Variants in GRIPAP1 observed in about 807,000 individuals in gnomAD.
GRIPAP1 encodes GRIP1 associated protein 1, also known as GRIP1-associated protein 1.
GRIPAP1 carries 14 observed loss-of-function variants against 84.1 expected under a neutral mutation model. That is an observed-to-expected ratio of 0.17 (90% CI 0.11 to 0.26). GRIPAP1 has a LOEUF of 0.26. Ranked by LOEUF, GRIPAP1 falls within the 10% of genes least tolerant of loss-of-function variation. The pLI is 1.00. For synonymous variants in GRIPAP1, 261 were observed against 256.8 expected, an observed-to-expected ratio of 1.02 and a Z score of -0.15; for missense variants, 518 against 674.2, an observed-to-expected ratio of 0.77 and a Z score of 2.57.
chrX:48,997,120 G>A (rs1273566151), intron 5 of GRIPAP1, 130 bp downstream of exon 5: 2 of 475,357 alleles, frequency 4.2e-6, no homozygotes, highest in African/African-American at 4.8e-5. Flanking sequence ...CAGCAATCCA[G>A]GACCTGTTTC....
At chrX:48,994,089 C>A in intron 5 of GRIPAP1, among the ~76,000 whole-genome samples, 1 of 111,514 alleles carries the variant, frequency 9.0e-6, no homozygotes, top group East Asian at 2.8e-4. Flanking sequence ...ACTAAGCCAG[C>A]CCCCTGCCCA....
intron 13 of GRIPAP1, among the ~76,000 whole-genome samples, chrX:48,987,048 A>G (rs1307698073): frequency 1.0e-5 from 1 of 99,507 alleles, no homozygotes; most frequent in Non-Finnish European, 2.0e-5. Context: ...GGGTTTCTCT[A>G]TGTTGGTCAG....
chrX:48,987,211 C>T (rs1157587659), intron 13 of GRIPAP1, among the ~76,000 whole-genome samples: 3 of 100,086 alleles, frequency 3.0e-5, no homozygotes, highest in African/African-American at 1.1e-4. Flanking sequence ...TGCAATGGCA[C>T]GATCTCGGCT....
chrX:48,989,772 C>A (rs1267829516), intron 10 of GRIPAP1, 62 bp from the exon 11 acceptor site: 2 of 1,134,786 alleles, frequency 1.8e-6, no homozygotes, highest in African/African-American at 3.6e-5. Flanking sequence ...CTAGCTCTGC[C>A]CCTGTAATCT....
chrX:49,001,050 A>G (rs1161352878), intron 1 of GRIPAP1: 2 of 101,906 alleles, frequency 2.0e-5, no homozygotes, highest in African/African-American at 7.3e-5. Context: ...CAGTGGGATC[A>G]ATGTTCCTCA....
chrX:48,979,478 CAA>C (rs2064442674), intron 21 of GRIPAP1, among the ~76,000 whole-genome samples: 7 of 3,677 alleles, frequency 1.9e-3, no homozygotes, highest in African/African-American at 5.9e-3. Context: ...CTCCGTCTAA[CAA>C]AAAAAAAAAA....
chrX:48,978,190 A>G, intron 22 of GRIPAP1, 115 bp downstream of exon 22: 1 of 816,468 alleles, frequency 1.2e-6, no homozygotes, highest in Non-Finnish European at 1.7e-6. Context: ...TGACAAGAAA[A>G]TATGTGTGCT....
At chrX:48,988,454 T>G (rs2064504180) in intron 11 of GRIPAP1, 1 of 369,624 alleles carries the variant, frequency 2.7e-6, no homozygotes, top group African/African-American at 2.5e-5. Context: ...GCTACGCGGT[T>G]CAAACTCACT....
chrX:48,996,659 C>T (rs2064548499), intron 5 of GRIPAP1, among the ~76,000 whole-genome samples: 1 of 111,822 alleles, frequency 8.9e-6, no homozygotes, highest in Admixed American at 9.6e-5. Context: ...AATTTGCTGC[C>T]ATGAGACTTT....
At chrX:48,990,619 T>G in intron 8 of GRIPAP1, 66 bp downstream of exon 8, 1 of 945,436 alleles carries the variant, frequency 1.1e-6, no homozygotes, top group Non-Finnish European at 1.5e-6. Flanking sequence ...GCCCTAGGAT[T>G]GGGAATGGAA....
intron 21 of GRIPAP1, 132 bp from the exon 22 acceptor site, chrX:48,978,567 G>T: frequency 1.8e-6 from 1 of 557,453 alleles, no homozygotes; most frequent in Non-Finnish European, 2.7e-6. Flanking sequence ...AAAGGCAGAA[G>T]CAGACAGGAG....
rs782489909 is a variant in GRIPAP1 at position 49,002,247 on chromosome X, C to G, written c.-18G>C. The stretch of plus-strand genomic sequence containing the variant: ...TGCGCCATGTTCCTCCCCCCACCCC[C>G]CCGCCAGCTTTCTGCGCAGACGCAG... On this transcript the variant is annotated 5_prime_UTR_variant, in exon 1 of 26. Coordinates refer to ENST00000376423, the MANE Select transcript of GRIPAP1 (RefSeq NM_020137.5). 9.1e-6 allele frequency: 10 copies of G among 1,096,899 alleles called. No homozygotes were observed. The highest frequency in any genetic ancestry group is 5.9e-5 in the South Asian group (3 of 51,249). The allele number at this position is 1,096,899 out of a possible 1,213,427, so 90.4% of individuals were successfully genotyped here. A position where few individuals can be genotyped will look rare whatever the true frequency, so the allele number is the denominator to read the frequency against.
At chrX:48,982,440 A>G (rs782359812) in intron 17 of GRIPAP1, among the ~76,000 whole-genome samples, 5 of 112,652 alleles carry the variant, frequency 4.4e-5, no homozygotes, top group Non-Finnish European at 7.5e-5. Flanking sequence ...ACAGTACACG[A>G]TATCAGCTCA....
intron 3 of GRIPAP1, 74 bp downstream of exon 3, chrX:48,999,164 T>C: frequency 1.3e-6 from 1 of 740,909 alleles, no homozygotes; most frequent in South Asian, 2.3e-5. Context: ...AGGTGCTCAC[T>C]GGAGGGATGA....
chrX:48,994,116 C>T (rs2064534012), intron 5 of GRIPAP1, among the ~76,000 whole-genome samples: 1 of 111,464 alleles, frequency 9.0e-6, no homozygotes, highest in Non-Finnish European at 1.9e-5. Context: ...GGCTGAAGTA[C>T]ACTTCTCAAA....
At chrX:48,978,253 A>C (rs374438499) in intron 22 of GRIPAP1, 52 bp downstream of exon 22, 8 of 1,186,797 alleles carry the variant, frequency 6.7e-6, no homozygotes, top group Non-Finnish European at 8.0e-6. Flanking sequence ...AGGGGTTCTC[A>C]GATTTTTGGG....
intron 3 of GRIPAP1, chrX:48,998,945 G>A (rs1355837574): frequency 2.9e-5 from 9 of 308,563 alleles, no homozygotes; most frequent in Admixed American, 1.8e-4. Context: ...AGGCAGATTC[G>A]AGGTAGATTT....
intron 13 of GRIPAP1, 28 bp downstream of exon 13, chrX:48,987,757 T>C: frequency 1.0e-6 from 1 of 954,362 alleles, no homozygotes; most frequent in East Asian, 3.1e-5. Flanking sequence ...TGGAGAGGGA[T>C]CAGCAAGGGC....
chrX:48,978,246 G>A, intron 22 of GRIPAP1, 59 bp downstream of exon 22: 1 of 1,160,052 alleles, frequency 8.6e-7, no homozygotes, highest in Non-Finnish European at 1.2e-6. Flanking sequence ...AAAGGGGAGG[G>A]GTTCTCAGAT....
Sources: allele counts gnomAD v4.1 joint callset (sites outside exome capture counted in the v4.1 genomes callset), GRCh38; gene constraint gnomAD v4.1.1; transcripts MANE v1.5; gene names NCBI Gene and HGNC (gene_info 2026-07-23, HGNC 2026-07-21).